The following THOC1 variants were observed in gnomAD, a reference collection of about 807,000 sequenced individuals.
The protein encoded by THOC1 is THO complex 1.
In THOC1, 29 loss-of-function variants were observed where a neutral mutation model predicts 97.3. The observed-to-expected ratio is 0.30, with a 90% CI of 0.22 to 0.41. The LOEUF is 0.41. THOC1 is among the 10% of genes least tolerant of loss of function. The pLI, the probability that THOC1 is intolerant of heterozygous loss-of-function variation, is 1.00. For synonymous variants in THOC1, 255 were observed against 257.0 expected, an observed-to-expected ratio of 0.99 and a Z score of 0.07; for missense variants, 529 against 761.9, an observed-to-expected ratio of 0.69 and a Z score of 3.60.
At chr18:240,803 A>G (rs1411984340) in intron 11 of THOC1, among the ~76,000 whole-genome samples, 4 of 152,194 alleles carry the variant, frequency 2.6e-5, no homozygotes, top group African/African-American at 9.6e-5. Flanking sequence ...ATATATAATG[A>G]AATACATATA....
chr18:243,544 A>AT lies in THOC1; in HGVS notation c.918+2779_918+2780insA, dbSNP rs1268158677. 3.2e-4 allele frequency among the ~76,000 whole-genome samples: 49 copies of AT among 151,842 alleles called. 1 individual carries two copies. The South Asian group carries it at 7.1e-3, about 22-fold the overall frequency. On this transcript the variant is annotated intron_variant, in intron 11 of 20. Coordinates refer to ENST00000261600, the MANE Select transcript of THOC1 (RefSeq NM_005131.3). ...CAGAGCAAAACTCCGTCTCAAAAAAAAATATATATATATATATCAATTAAG... is the reference window on the plus strand; with the variant it reads ...CAGAGCAAAACTCCGTCTCAAAAAAATAATATATATATATATATCAATTAAG...
Position 225,137 on chromosome 18 carries a change from T to G in THOC1, c.1089A>C (p.Leu363=). 3.2e-6 allele frequency: 5 copies of G among 1,570,426 alleles called. No homozygotes were observed. Among genetic ancestry groups the G allele is most frequent in the Non-Finnish European group, 4.3e-6 (5 of 1,156,996 alleles). Residue 363 remains leucine, a splice_region_variant and synonymous_variant, in exon 14 of 21, where the codon CTA becomes CTC. Transcript: ENST00000261600. The part of the protein sequence containing the change: ...IEDTTKSVYQ[L]LSENPPDGER... Reference sequence around the variant, plus strand: ...CTCCATCGGGGGGGTTTTCAGATAGTAGCTGTGATTAGAAAGAATATACTA... The same window carrying G: ...CTCCATCGGGGGGGTTTTCAGATAGGAGCTGTGATTAGAAAGAATATACTA...
At chr18:253,624 C>T (rs1396742074) in intron 8 of THOC1, among the ~76,000 whole-genome samples, 1 of 152,050 alleles carries the variant, frequency 6.6e-6, no homozygotes, top group Non-Finnish European at 1.5e-5. Flanking sequence ...ACATATTCTG[C>T]AAAAAATAAC....
At chr18:256,370 G>A (rs552159212) in intron 7 of THOC1, among the ~76,000 whole-genome samples, 1 of 152,270 alleles carries the variant, frequency 6.6e-6, no homozygotes, top group East Asian at 1.9e-4. Context: ...ATGACTTCGA[G>A]GGGTTCAAGA....
chr18:265,236 G>A (rs1912725478), intron 3 of THOC1, 67 bp downstream of exon 3: 4 of 1,343,846 alleles, frequency 3.0e-6, no homozygotes, highest in African/African-American at 3.0e-5. Context: ...AAGAAAAAAA[G>A]CAATTTTTAA....
At chr18:267,171 T>C (rs1478099658) in intron 1 of THOC1, among the ~76,000 whole-genome samples, 3 of 152,086 alleles carry the variant, frequency 2.0e-5, no homozygotes, top group Admixed American at 6.5e-5. Context: ...TAGAGACGAA[T>C]AGAGTCAGGC....
At chr18:215,897 C>A in intron 19 of THOC1, 1 of 193,210 alleles carries the variant, frequency 5.2e-6, no homozygotes. Context: ...AATGCATTGG[C>A]AAACAGGAAA....
At chr18:245,035 C>T (rs1912041792) in intron 11 of THOC1, 1 of 152,076 alleles carries the variant, frequency 6.6e-6, no homozygotes, top group Non-Finnish European at 1.5e-5. Context: ...ATCGACTGTC[C>T]TACTTCATTT....
At chr18:236,730 C>A (rs1911713953) in intron 11 of THOC1, among the ~76,000 whole-genome samples, 1 of 152,052 alleles carries the variant, frequency 6.6e-6, no homozygotes, top group African/African-American at 2.4e-5. Flanking sequence ...ACAAATGTAC[C>A]AATGGCAATT....
intron 11 of THOC1, among the ~76,000 whole-genome samples, chr18:232,810 A>G (rs1911530865): frequency 6.6e-6 from 1 of 152,088 alleles, no homozygotes; most frequent in African/African-American, 2.4e-5. Flanking sequence ...CTCATATTTT[A>G]TCTGCACTAG....
chr18:246,241 T>C (rs1912082257), intron 11 of THOC1, 83 bp downstream of exon 11: 1 of 1,093,942 alleles, frequency 9.1e-7, no homozygotes, highest in East Asian at 2.6e-5. Flanking sequence ...TTCTATTCAG[T>C]TTAACTTAGA....
chr18:250,601 G>C (rs1252414382), intron 9 of THOC1, among the ~76,000 whole-genome samples: 2 of 152,170 alleles, frequency 1.3e-5, no homozygotes, highest in Admixed American at 6.5e-5. Context: ...TGGTGTATTT[G>C]AGCCAAATCT....
chr18:260,049 G>A, intron 5 of THOC1, 137 bp downstream of exon 5: 1 of 580,826 alleles, frequency 1.7e-6, no homozygotes, highest in South Asian at 3.0e-5. Context: ...CGAGAGAGCA[G>A]TATATAATTT....
At chr18:252,427 A>T in intron 9 of THOC1, 112 bp downstream of exon 9, 1 of 824,208 alleles carries the variant, frequency 1.2e-6, no homozygotes. Flanking sequence ...CAAATGAAAG[A>T]AATTTCTTAT....
chr18:225,281 A>T lies in THOC1; in HGVS notation c.1086+56T>A, dbSNP rs775323836. On this transcript the variant is annotated intron_variant, in intron 13 of 20. Coordinates refer to ENST00000261600, the MANE Select transcript of THOC1 (RefSeq NM_005131.3). ...ATTTTCCTATTTGGGGCTGAAACAA[A>T]GAAAATCCTAAATTTCCATTTTTTC... The T allele has an allele frequency of 3.1e-6, 5 of 1,597,484 alleles. No individual in the cohort carries two copies. The South Asian group carries it at 4.4e-5, about 14-fold the overall frequency.
intron 11 of THOC1, among the ~76,000 whole-genome samples, chr18:240,191 T>A (rs1911849877): frequency 6.6e-6 from 1 of 152,220 alleles, no homozygotes; most frequent in Non-Finnish European, 1.5e-5. Flanking sequence ...ATAACTAGTC[T>A]CCTCTGCTAA....
At position 242,182 on chromosome 18, in the gene THOC1, G is replaced by C. The variant is rs971303254; in HGVS notation, c.918+4142C>G. On this transcript the variant is annotated intron_variant, in intron 11 of 20. Coordinates refer to ENST00000261600, the MANE Select transcript of THOC1 (RefSeq NM_005131.3). This position sits in a 1 kb window ranked among gnomAD's most constrained non-coding sequence, Gnocchi z 4.5. Reference sequence around the variant, plus strand: ...TGACTGGCCTATCTCCAACTATAAAGTTTATATCATCTGGCTGGGCGTGGT... The same window carrying C: ...TGACTGGCCTATCTCCAACTATAAACTTTATATCATCTGGCTGGGCGTGGT... 1.3e-5 allele frequency among the ~76,000 whole-genome samples: 2 copies of C among 151,958 alleles called. No individual in the cohort carries two copies. Among genetic ancestry groups the C allele is most frequent in the African/African-American group, 4.8e-5 (2 of 41,272 alleles).
intron 16 of THOC1, 106 bp downstream of exon 16, chr18:223,978 A>G (rs1911182697): frequency 1.1e-5 from 9 of 849,734 alleles, no homozygotes; most frequent in Non-Finnish European, 1.3e-5. Context: ...CTATGTGTGT[A>G]CCAAACACAA....
At chr18:265,173 C>T (rs1912723447) in intron 3 of THOC1, 130 bp downstream of exon 3, 18 of 734,140 alleles carry the variant, frequency 2.5e-5, no homozygotes, top group South Asian at 2.2e-4. Flanking sequence ...ATCAAGTCAA[C>T]TTTTACAAAG....
Sources: gnomAD v4.1 joint callset for allele counts (sites outside exome capture counted in the v4.1 genomes callset) on GRCh38, gnomAD v4.1.1 for gene constraint, Gnocchi (gnomAD v3.1) non-coding constraint, MANE v1.5 for transcripts, NCBI Gene and HGNC (gene_info 2026-07-23, HGNC 2026-07-21) for gene names.